YME1L1: variants seen among roughly 807,000 people sequenced by gnomAD.
The protein encoded by YME1L1 is YME1 like 1 ATPase.
Under a neutral mutation model 90.4 loss-of-function variants are expected in YME1L1, and 39 were observed. That is an observed-to-expected ratio of 0.43 (90% CI 0.33 to 0.56). The LOEUF (loss-of-function observed/expected upper bound fraction) is 0.56, where lower values mean the gene tolerates loss of function less well. YME1L1 is among the 20% of genes least tolerant of loss of function. YME1L1 has a pLI of 0.03. For missense variants in YME1L1, 617 were observed against 868.4 expected (o/e 0.71, Z 3.64); for synonymous variants, 284 against 287.3 (o/e 0.99, Z 0.12).
chr10:27,124,976 A>G (rs2056902497), intron 9 of YME1L1, among the ~76,000 whole-genome samples: 1 of 152,242 alleles, frequency 6.6e-6, no homozygotes, highest in Non-Finnish European at 1.5e-5. Flanking sequence ...AGCTAAAGTT[A>G]TCATTATTAA....
rs1306500991 is a variant in YME1L1 at position 27,113,242 on chromosome 10, A to T, written c.2008-1122T>A. Among the ~76,000 whole-genome samples the T allele has an allele frequency of 1.3e-3, 193 of 146,228 alleles. 9 individuals carry two copies. Among genetic ancestry groups the T allele is most frequent in the African/African-American group, 3.9e-3 (156 of 39,524 alleles). On this transcript the variant is annotated intron_variant, in intron 18 of 18. Coordinates refer to ENST00000376016, the MANE Select transcript of YME1L1 (RefSeq NM_014263.4). ...CTCAAAAAAAAAAAAAAAAAAAAAA[A>T]AAAAAAAAAAAAAAAAAAAAAGACC...
rs11015560 is a variant in YME1L1, at chr10:27,130,678, C to A, written c.858+1181G>T. Among the ~76,000 whole-genome samples, 3 of 151,860 alleles carry A rather than the reference C, an allele frequency of 2.0e-5. No homozygotes were observed. In the East Asian group the frequency reaches 5.8e-4, roughly 30 times the overall value. ...ACCAGCCTGGCTAACATGGTAAAAC[C>A]CTGTTTCTACTAAAAACACAAAAAA... On this transcript the variant is annotated intron_variant, in intron 8 of 18. Transcript: ENST00000376016.
intron 17 of YME1L1, among the ~76,000 whole-genome samples, chr10:27,115,323 C>CG (rs576648719): frequency 0.057 from 8,179 of 142,344 alleles, 247 homozygotes; most frequent in African/African-American, 0.083. Context: ...CATTTAAAAT[C>CG]TTTTTTTTTT....
rs200151318 is a variant in YME1L1 at position 27,117,770 on chromosome 10, T to C, written c.1568-43A>G. On this transcript the variant is annotated intron_variant, in intron 14 of 18. Coordinates refer to ENST00000376016, the MANE Select transcript of YME1L1 (RefSeq NM_014263.4). ...GAGTAAATACTCCATTAGAAAGGTA[T>C]ATTTAAATCAACAAAACACATTCTT... The C allele has an allele frequency of 1.9e-5, 31 of 1,594,942 alleles. No individual in the cohort carries two copies. The East Asian group carries it at 6.5e-4, about 33-fold the overall frequency.
rs1471452416 is a variant in YME1L1 at position 27,136,293 on chromosome 10, C to T, written c.523G>A (p.Ala175Thr). Residue 175 changes from alanine to threonine, a missense_variant, in exon 5 of 19, where the codon GCG becomes ACG. Ala to Thr is a moderately conservative substitution (Grantham distance 58, BLOSUM62 0). Coordinates refer to ENST00000376016, the MANE Select transcript of YME1L1 (RefSeq NM_014263.4). ...SERLAETQNI[A>T]PSFVKGFLLR... Reference sequence around the variant, plus strand: ...CTAATTACCTTCACGAATGATGGCGCTATATTCTGTGTTTCAGCTAATCTC... The same window carrying T: ...CTAATTACCTTCACGAATGATGGCGTTATATTCTGTGTTTCAGCTAATCTC... The T allele has an allele frequency of 2.5e-6, 4 of 1,612,498 alleles. No homozygotes were observed. The African/African-American group carries it at 5.4e-5, about 22-fold the overall frequency.
Position 27,123,542 on chromosome 10 carries a change from C to T in YME1L1, c.1102+5G>A, listed in dbSNP as rs193158026. 2 of 1,613,294 alleles carry T rather than the reference C, an allele frequency of 1.2e-6. No individual in the cohort carries two copies. The highest frequency in any genetic ancestry group is 2.2e-5 in the East Asian group (1 of 44,802). ...GCACTGCATCAAAGATACACCAAAA[C>T]GTACTAAAAAGATTTCTGATACGGC... is the stretch of plus-strand genomic sequence containing the variant. On this transcript the variant is annotated splice_donor_5th_base_variant and intron_variant, in intron 10 of 18. Transcript: ENST00000376016.
chr10:27,127,418 A>G (rs895249934), intron 8 of YME1L1, among the ~76,000 whole-genome samples: 1 of 152,216 alleles, frequency 6.6e-6, no homozygotes, highest in Non-Finnish European at 1.5e-5. Flanking sequence ...ACATATGTTC[A>G]CCAAGAGACT....
chr10:27,124,831 G>A (rs2056900700), intron 9 of YME1L1, among the ~76,000 whole-genome samples: 1 of 152,128 alleles, frequency 6.6e-6, no homozygotes, highest in African/African-American at 2.4e-5. Context: ...CTTTTCCAGT[G>A]TTTTCTCATG....
At chr10:27,153,577 C>A (rs145827995) in intron 1 of YME1L1, among the ~76,000 whole-genome samples, 3 of 152,200 alleles carry the variant, frequency 2.0e-5, no homozygotes, top group African/African-American at 7.2e-5. Context: ...TCTTCACTAC[C>A]TTTTGTTTTA....
chr10:27,151,750 G>A (rs187432757), intron 1 of YME1L1, among the ~76,000 whole-genome samples: 11 of 151,988 alleles, frequency 7.2e-5, no homozygotes, highest in South Asian at 6.2e-4. Context: ...GCGTGGTGGC[G>A]GGCGCCTGTG....
At chr10:27,119,530 T>TG in intron 13 of YME1L1, 81 bp from the exon 14 acceptor site, 1 of 1,446,546 alleles carries the variant, frequency 6.9e-7, no homozygotes, top group Non-Finnish European at 9.2e-7. Context: ...ACATTCCAAC[T>TG]GGGTGCGTTG....
rs11015544 is a variant in YME1L1 at position 27,120,703 on chromosome 10, G to A, written c.1299-156C>T. Among the ~76,000 whole-genome samples the A allele has an allele frequency of 0.056, 8,495 of 152,248 alleles. 479 individuals are homozygous for A. The highest frequency in any genetic ancestry group is 0.15 in the African/African-American group (6,077 of 41,520). ...TATTCAGATAGTTCCTTTAAAACAT[G>A]GCTCAAGTAACAGTGTCAATAACCA... On this transcript the variant is annotated intron_variant, in intron 12 of 18. Transcript: ENST00000376016.
intron 1 of YME1L1, among the ~76,000 whole-genome samples, chr10:27,151,212 G>A (rs1332949503): frequency 6.6e-6 from 1 of 152,052 alleles, no homozygotes; most frequent in Non-Finnish European, 1.5e-5. Context: ...GTGAGTCCCC[G>A]CGCCTGGCGA....
At chr10:27,141,134 G>A (rs1052309219) in intron 4 of YME1L1, among the ~76,000 whole-genome samples, 1 of 152,122 alleles carries the variant, frequency 6.6e-6, no homozygotes, top group Non-Finnish European at 1.5e-5. Context: ...CGTGGCTCAT[G>A]CTGTCATCCC....
intron 14 of YME1L1, 99 bp from the exon 15 acceptor site, chr10:27,117,826 T>C: frequency 8.2e-7 from 1 of 1,223,954 alleles, no homozygotes; most frequent in South Asian, 1.4e-5. Context: ...CCACCCTTCC[T>C]ATCAGCAGAT....
At chr10:27,137,883 T>C (rs1473523351) in intron 4 of YME1L1, among the ~76,000 whole-genome samples, 4 of 152,186 alleles carry the variant, frequency 2.6e-5, no homozygotes, top group Admixed American at 1.3e-4. Context: ...TGTCTTTCGA[T>C]CATATACAGT....
intron 9 of YME1L1, among the ~76,000 whole-genome samples, chr10:27,124,377 G>A (rs1307283161): frequency 6.6e-6 from 1 of 152,086 alleles, no homozygotes; most frequent in Non-Finnish European, 1.5e-5. Flanking sequence ...GTTCTTTCAA[G>A]GTTTTCCATG....
intron 4 of YME1L1, among the ~76,000 whole-genome samples, chr10:27,139,165 G>A (rs2135885523): frequency 6.6e-6 from 1 of 152,082 alleles, no homozygotes; most frequent in Middle Eastern, 3.4e-3. Flanking sequence ...GCTTGCGTGT[G>A]TATATACATT....
chr10:27,114,752 G>C (rs1183298493), intron 17 of YME1L1, 145 bp from the exon 18 acceptor site: 1 of 568,834 alleles, frequency 1.8e-6, no homozygotes, highest in African/African-American at 1.9e-5. Flanking sequence ...TTGAGGCCGG[G>C]CACAGTGGCT....
Sources: gnomAD v4.1 joint callset for allele counts (sites outside exome capture counted in the v4.1 genomes callset) on GRCh38, gnomAD v4.1.1 for gene constraint, MANE v1.5 for transcripts, NCBI Gene and HGNC (gene_info 2026-07-23, HGNC 2026-07-21) for gene names.